Variants in U2AF2 observed in about 807,000 individuals in gnomAD.
The protein encoded by U2AF2 is splicing factor U2AF 65 kDa subunit.
U2AF2 carries 6 observed loss-of-function variants against 52.6 expected under a neutral mutation model. That is an observed-to-expected ratio of 0.11 (90% CI 0.06 to 0.23). The LOEUF (loss-of-function observed/expected upper bound fraction) is 0.23. Among genes scored for constraint, U2AF2 ranks in the 10% least tolerant of loss-of-function variants. The pLI is 1.00. For missense variants in U2AF2, 222 were observed against 677.1 expected (o/e 0.33, Z 7.46); for synonymous variants, 284 against 258.2 (o/e 1.10, Z -0.96).
rs1193938116 is a variant in U2AF2, at chr19:55,665,938, C to T, written c.742+2194C>T. ...GATTATAGGCGTGAGCCACTGCTCC[C>T]GGCCACTGCCTGTTTTTGTAAGTAA... is the stretch of plus-strand genomic sequence containing the variant. On this transcript the variant is annotated intron_variant, in intron 7 of 11. Transcript: ENST00000308924. Among the ~76,000 whole-genome samples the T allele has an allele frequency of 6.6e-5, 10 of 152,298 alleles. No individual in the cohort carries two copies. In the South Asian group the frequency reaches 1.5e-3, roughly 22 times the overall value.
At chr19:55,666,476 T>C (rs1378184434) in intron 7 of U2AF2, among the ~76,000 whole-genome samples, 2 of 152,234 alleles carry the variant, frequency 1.3e-5, no homozygotes, top group African/African-American at 4.8e-5. Context: ...CTGACCCCAC[T>C]GACAGTGCTC....
rs1984666056 is a variant in U2AF2, at chr19:55,668,207, T to C, written c.743-300T>C. Among the ~76,000 whole-genome samples the C allele has an allele frequency of 1.3e-5, 2 of 151,978 alleles. No homozygotes were observed. Among genetic ancestry groups the C allele is most frequent in the African/African-American group, 4.8e-5 (2 of 41,356 alleles). ...GCATTCCACAGCAGCAGGTAGCAGATGTGGGTGTGAACTTTGTGCCTTTGG... is the reference window on the plus strand; with the variant it reads ...GCATTCCACAGCAGCAGGTAGCAGACGTGGGTGTGAACTTTGTGCCTTTGG... On this transcript the variant is annotated intron_variant, in intron 7 of 11. Transcript: ENST00000308924. This position sits in a 1 kb window ranked among gnomAD's most constrained non-coding sequence, Gnocchi z 5.5.
chr19:55,659,867 T>C (rs1378243298), intron 2 of U2AF2, among the ~76,000 whole-genome samples: 2 of 152,154 alleles, frequency 1.3e-5, no homozygotes, highest in Non-Finnish European at 2.9e-5. Flanking sequence ...CTCCCCTTTC[T>C]GTTCTCTGCC....
At position 55,673,915 on chromosome 19, in the gene U2AF2, G is replaced by C; in HGVS notation, c.1294-19G>C. 1 of 1,602,962 alleles carries C rather than the reference G, an allele frequency of 6.2e-7. No homozygotes were observed. Among genetic ancestry groups the C allele is most frequent in the Non-Finnish European group, 8.5e-7 (1 of 1,173,270 alleles). Reference sequence around the variant, plus strand: ...GGGCGTGAGCCTTGTTCACAAACCTGCCTCTCCTTTCCCCACAGATCTTTG... The same window carrying C: ...GGGCGTGAGCCTTGTTCACAAACCTCCCTCTCCTTTCCCCACAGATCTTTG... On this transcript the variant is annotated intron_variant, in intron 11 of 11. Coordinates refer to ENST00000308924, the MANE Select transcript of U2AF2 (RefSeq NM_007279.3).
At chr19:55,666,676 G>A (rs796648969) in intron 7 of U2AF2, among the ~76,000 whole-genome samples, 7 of 152,364 alleles carry the variant, frequency 4.6e-5, no homozygotes, top group African/African-American at 1.7e-4. Context: ...AGACACTGAG[G>A]CCCTTGGAGG....
rs74947153 is a variant in U2AF2, at chr19:55,663,936, G to A, written c.742+192G>A. The stretch of plus-strand genomic sequence containing the variant: ...GCTGGTAGAGAAGGTGCCTAGGGCC[G>A]GGAGAATGAGCTGTCACCTGCTGAG... On this transcript the variant is annotated intron_variant, in intron 7 of 11. Transcript: ENST00000308924. The A allele has an allele frequency of 2.6e-3, 1,936 of 755,438 alleles. 31 individuals carry two copies. The African/African-American group carries it at 0.032, about 12-fold the overall frequency. 46.8% of individuals were successfully genotyped at this position (755,438 alleles called of 1,614,324 possible). A position where few individuals can be genotyped will look rare whatever the true frequency, so the allele number is the denominator to read the frequency against.
At chr19:55,666,670 A>G (rs1274874991) in intron 7 of U2AF2, among the ~76,000 whole-genome samples, 1 of 152,252 alleles carries the variant, frequency 6.6e-6, no homozygotes, top group Admixed American at 6.5e-5. Context: ...AGATGAAGAC[A>G]CTGAGGCCCT....
At position 55,659,728 on chromosome 19, in the gene U2AF2, C is replaced by G. The variant is rs371515382; in HGVS notation, c.185+383C>G. On this transcript the variant is annotated intron_variant, in intron 2 of 11. Coordinates refer to ENST00000308924, the MANE Select transcript of U2AF2 (RefSeq NM_007279.3). ...TGGGACTCTCTTCGAGGGGGTTGGT[C>G]TCTGCCTCCAGTTTCTTTCTTCCCT... Among the ~76,000 whole-genome samples, 14 of 152,180 alleles carry G rather than the reference C, an allele frequency of 9.2e-5. No homozygotes were observed. The South Asian group carries it at 2.9e-3, about 32-fold the overall frequency.
intron 7 of U2AF2, among the ~76,000 whole-genome samples, chr19:55,666,983 G>A (rs1277138737): frequency 6.6e-6 from 1 of 152,204 alleles, no homozygotes; most frequent in East Asian, 1.9e-4. Context: ...GCAGTAGGAG[G>A]TTGAAAGTCT....
chr19:55,671,215 G>A (rs1984899264), intron 11 of U2AF2, among the ~76,000 whole-genome samples: 1 of 152,088 alleles, frequency 6.6e-6, no homozygotes, highest in Non-Finnish European at 1.5e-5. Flanking sequence ...GTAGTAGCAG[G>A]GGATGGAGAG....
chr19:55,663,881 C>T (rs1399940650), intron 7 of U2AF2, 137 bp downstream of exon 7: 6 of 1,301,374 alleles, frequency 4.6e-6, no homozygotes, highest in East Asian at 4.8e-5. Context: ...CCCTGCTTCC[C>T]CTAAGTCTCT....
intron 1 of U2AF2, among the ~76,000 whole-genome samples, chr19:55,657,726 A>G (rs550209914): frequency 1.3e-5 from 2 of 152,312 alleles, no homozygotes; most frequent in South Asian, 4.1e-4. Flanking sequence ...TAATGGTTCT[A>G]GCCAGACCTG....
intron 4 of U2AF2, 36 bp from the exon 5 acceptor site, chr19:55,661,000 CCT>C (rs764566294): frequency 6.5e-7 from 1 of 1,545,286 alleles, no homozygotes; most frequent in Non-Finnish European, 8.8e-7. Context: ...TGAGCATTCC[CCT>C]GATGGGGTTT....
rs777127540 is a variant in U2AF2, at chr19:55,669,552, C to T, written c.1153C>T (p.Leu385=). The T allele has an allele frequency of 2.9e-5, 46 of 1,613,774 alleles. No homozygotes were observed. Among genetic ancestry groups the T allele is most frequent in the African/African-American group, 5.3e-5 (4 of 74,898 alleles). Residue 385 remains leucine (L), a synonymous_variant, in exon 11 of 12, where the codon CTG becomes TTG. Transcript: ENST00000308924. ...GGTCCTGTGCCTCATGAACATGGTG[C>T]TGCCTGAGGAGCTGCTGGACGACGA... ...TEVLCLMNMV[L]PEELLDDEEY...
At chr19:55,657,365 T>C (rs1262028526) in intron 1 of U2AF2, among the ~76,000 whole-genome samples, 2 of 152,236 alleles carry the variant, frequency 1.3e-5, no homozygotes, top group African/African-American at 4.8e-5. Flanking sequence ...GTAGTCTTTG[T>C]CTCTGCGGAG....
chr19:55,661,559 C>G (rs1984205284), intron 5 of U2AF2, among the ~76,000 whole-genome samples: 1 of 150,272 alleles, frequency 6.7e-6, no homozygotes, highest in Admixed American at 6.7e-5. Context: ...CGCTGCCCCT[C>G]AGTTTTTTTC....
chr19:55,664,619 C>T (rs915571109), intron 7 of U2AF2, among the ~76,000 whole-genome samples: 4 of 152,176 alleles, frequency 2.6e-5, no homozygotes, highest in Admixed American at 2.0e-4. Context: ...GGAACTGAGT[C>T]AGCTCTTCAG....
chr19:55,656,328 G>C (rs887182234), intron 1 of U2AF2, among the ~76,000 whole-genome samples: 5 of 152,204 alleles, frequency 3.3e-5, no homozygotes, highest in African/African-American at 9.6e-5. Context: ...GAGTTGGGTA[G>C]GGGCTGTATT....
intron 11 of U2AF2, chr19:55,670,610 T>G (rs1040768005): frequency 3.7e-6 from 1 of 269,756 alleles, no homozygotes; most frequent in Non-Finnish European, 7.3e-6. Context: ...CATTCCTGGG[T>G]GTACTGTTCG....
Sources: gnomAD v4.1 joint callset for allele counts (sites outside exome capture counted in the v4.1 genomes callset) on GRCh38, gnomAD v4.1.1 for gene constraint, Gnocchi (gnomAD v3.1) non-coding constraint, MANE v1.5 for transcripts, NCBI Gene and HGNC (gene_info 2026-07-23, HGNC 2026-07-21) for gene names.